The following TTN variants were observed in gnomAD, a reference collection of about 807,000 sequenced individuals.
The protein encoded by TTN is titin, also known as connectin.
TTN carries 1,525 observed loss-of-function variants against 3,223.0 expected under a neutral mutation model. The ratio of observed to expected loss-of-function variants is 0.47; its 90% CI spans 0.45 to 0.49. The LOEUF is 0.49. TTN is among the 20% of genes least tolerant of loss of function. The pLI is 0.00. For missense variants in TTN, 40,786 were observed against 43,424.0 expected, an observed-to-expected ratio of 0.94 and a Z score of 5.40; for synonymous variants, 14,094 against 15,161.0, an observed-to-expected ratio of 0.93 and a Z score of 5.17.
Position 178,771,237 on chromosome 2 carries a change from T to A in TTN, c.8090A>T (p.Lys2697Ile). Reference protein sequence around the residue: ...GEYTYKVATSKTSAKLKVEAV... With the variant: ...GEYTYKVATSITSAKLKVEAV... ...TTCAACTTTGAGTTTGGCAGATGTT[T>A]TGGAGGTGGCCACCTTGTAGGTATA... The change falls in exon 34 of 363, where the codon AAA (lysine) becomes ATA (isoleucine). Residue 2697 changes from lysine (K) to isoleucine (I), a missense_variant. Coordinates refer to ENST00000589042, the MANE Select transcript of TTN (RefSeq NM_001267550.2). 1 of 1,614,118 alleles carries A rather than the reference T, an allele frequency of 6.2e-7. No homozygotes were observed. The highest frequency in any genetic ancestry group is 8.5e-7 in the Non-Finnish European group (1 of 1,179,992).
Position 178,571,232 on chromosome 2 carries a change from T to G in TTN, c.74900A>C (p.Lys24967Thr). 1 of 1,613,562 alleles carries G rather than the reference T, an allele frequency of 6.2e-7. No individual in the cohort carries two copies. The highest frequency in any genetic ancestry group is 8.5e-7 in the Non-Finnish European group (1 of 1,179,630). The change falls in exon 326 of 363, where the codon AAG becomes ACG. Residue 24967 changes from lysine (K) to threonine (T), a missense_variant. Lys to Thr is a moderately conservative substitution (Grantham distance 78). Transcript: ENST00000589042. ...TTCTTCAAGGCCAGTTGTCTTAAAC[T>G]TGGTTTGAGGAATAGGTGTTTTATT... is the stretch of plus-strand genomic sequence containing the variant. ...KLNKTPIPQT[K>T]FKTTGLEEGV... is the part of the protein sequence containing the mutation.
intron 135 of TTN, 104 bp from the exon 136 acceptor site, chr2:178,681,842 A>C: frequency 1.1e-6 from 1 of 949,526 alleles, no homozygotes; most frequent in Non-Finnish European, 1.5e-6. Context: ...TATCTACAGT[A>C]TAGCCATAGC....
chr2:178,583,397 T>C lies in TTN; in HGVS notation c.65576-170A>G, dbSNP rs1309897314. 8 of 845,220 alleles carry C rather than the reference T, an allele frequency of 9.5e-6. No homozygotes were observed. The South Asian group carries it at 2.2e-4, about 23-fold the overall frequency. The allele number at this position is 845,220 out of a possible 1,614,324, so 52.4% of individuals were successfully genotyped here. A position where few individuals can be genotyped will look rare whatever the true frequency, so the allele number is the denominator to read the frequency against. ...TAATAACTGCACTATTGAATAACTA[T>C]TGAAATTATATAGTTGCCACAGTTG... On this transcript the variant is annotated intron_variant, in intron 312 of 362. Transcript: ENST00000589042.
chr2:178,706,301 G>A (rs770966743), intron 102 of TTN, among the ~76,000 whole-genome samples, 153 bp downstream of exon 102: 1 of 152,142 alleles, frequency 6.6e-6, no homozygotes, highest in Non-Finnish European at 1.5e-5. Flanking sequence ...TACAATGTAA[G>A]TGCTGTGTAA....
intron 6 of TTN, 180 bp downstream of exon 6, chr2:178,799,307 A>C: frequency 1.1e-6 from 1 of 908,860 alleles, no homozygotes; most frequent in Non-Finnish European, 1.7e-6. Flanking sequence ...TGTCCAGAGG[A>C]ACACGGAGCC....
chr2:178,606,536 G>A (rs747588734), intron 278 of TTN, among the ~76,000 whole-genome samples: 1 of 151,852 alleles, frequency 6.6e-6, no homozygotes, highest in African/African-American at 2.4e-5. Context: ...CCCTCTGGTT[G>A]GTTTTCTATT....
chr2:178,802,017 A>G (rs2094089830), intron 3 of TTN, 121 bp downstream of exon 3: 3 of 1,217,712 alleles, frequency 2.5e-6, no homozygotes, highest in Non-Finnish European at 2.4e-6. Flanking sequence ...CCTCCAGTAG[A>G]CCCTTCTGTA....
In TTN at chr2:178,609,790, T is replaced by G; in HGVS notation, c.51633A>C (p.Gly17211=). Residue 17211 remains glycine, a synonymous_variant, in exon 272 of 363, where the codon GGA becomes GGC. Coordinates refer to ENST00000589042, the MANE Select transcript of TTN (RefSeq NM_001267550.2). ...LVPILTYTAK[G]LEEGKEYQFR... is the part of the protein sequence containing the mutation. ...ATTGGTACTCTTTCCCCTCTTCAAG[T>G]CCTTTTGCTGTATAGGTCAGGATTG... 1 of 1,612,914 alleles carries G rather than the reference T, an allele frequency of 6.2e-7. No individual in the cohort carries two copies. Among genetic ancestry groups the G allele is most frequent in the Non-Finnish European group, 8.5e-7 (1 of 1,179,220 alleles).
At chr2:178,742,667 C>T (rs895390583) in intron 47 of TTN, among the ~76,000 whole-genome samples, 3 of 152,096 alleles carry the variant, frequency 2.0e-5, no homozygotes, top group African/African-American at 7.2e-5. Flanking sequence ...CAGTGCATAA[C>T]AGAGACTCTT....
intron 96 of TTN, 106 bp downstream of exon 96, chr2:178,711,838 T>G (rs1398163713): frequency 4.7e-5 from 65 of 1,380,954 alleles, no homozygotes; most frequent in Non-Finnish European, 5.8e-5. Context: ...TTAAGCAGAA[T>G]TTTAAGCCTT....
Position 178,588,816 on chromosome 2 carries a change from G to A in TTN, c.62909C>T (p.Pro20970Leu). The change falls in exon 304 of 363, where the codon CCA becomes CTA. Residue 20970 changes from proline (P) to leucine (L), a missense_variant. By Grantham distance (98) the Pro-to-Leu change is moderately conservative. Transcript: ENST00000589042. ...TTCTTTGCTTACTTTAGTGACTTCT[G>A]GGGGATCAGGGCGACCAGGTTTATC... ...KYDKPGRPDPPEVTKVSKEEM... is the reference protein window; with the variant it reads ...KYDKPGRPDPLEVTKVSKEEM... The A allele has an allele frequency of 1.2e-6, 2 of 1,613,280 alleles. No homozygotes were observed. Among genetic ancestry groups the A allele is most frequent in the Non-Finnish European group, 1.7e-6 (2 of 1,179,544 alleles).
At position 178,781,136 on chromosome 2, in the gene TTN, A is replaced by G. The variant is rs1387634284; in HGVS notation, c.3508T>C (p.Ser1170Pro). 1.9e-6 allele frequency: 3 copies of G among 1,613,882 alleles called. No homozygotes were observed. The African/African-American group carries it at 4.0e-5, about 22-fold the overall frequency. The change falls in exon 21 of 363, where the codon TCC becomes CCC. Residue 1170 changes from serine to proline, a missense_variant. Coordinates refer to ENST00000589042, the MANE Select transcript of TTN (RefSeq NM_001267550.2). The part of the protein sequence containing the change: ...NKHGETSASA[S>P]LLEEADYELL... ...TTGCACTTACCTTCTTCAAGCAAGG[A>G]AGCAGATGCAGAAGTTTCTCCATGC...
At position 178,651,487 on chromosome 2, in the gene TTN, C is replaced by T; in HGVS notation, c.39513G>A (p.Val13171=). The change falls in exon 207 of 363, where the codon GTG becomes GTA. Residue 13171 remains valine, a synonymous_variant. Transcript: ENST00000589042. ...EVVPEKKVPL[V]VPKKPEAPPA... Reference sequence around the variant, plus strand: ...GTGGGGCTTCTGGCTTTTTGGGAACCACCAGAGGCACCTTCTTTTCAGGAA... The same window carrying T: ...GTGGGGCTTCTGGCTTTTTGGGAACTACCAGAGGCACCTTCTTTTCAGGAA... 6.2e-7 allele frequency: 1 copy of T among 1,612,628 alleles called. No homozygotes were observed. The highest frequency in any genetic ancestry group is 8.5e-7 in the Non-Finnish European group (1 of 1,179,402).
Position 178,712,538 on chromosome 2 carries a change from G to C in TTN, c.27384C>G (p.Pro9128=), listed in dbSNP as rs2076811226. ...LNDYSIEKGK[P]LILEGTFTGT... ...CAGTGAATGTACCCTCTAGGATCAG[G>C]GGTTTTCCTTTCTCTATGCTGTAAT... Residue 9128 remains proline, a synonymous_variant, in exon 95 of 363, where the codon CCC becomes CCG. Transcript: ENST00000589042. The C allele has an allele frequency of 6.2e-7, 1 of 1,613,338 alleles. No homozygotes were observed. The highest frequency in any genetic ancestry group is 1.3e-5 in the African/African-American group (1 of 74,882).
At chr2:178,667,206 C>A in intron 162 of TTN, 30 bp downstream of exon 162, 1 of 1,539,560 alleles carries the variant, frequency 6.5e-7, no homozygotes, top group Non-Finnish European at 8.8e-7. Flanking sequence ...ATATTTTCTT[C>A]TTTAGATTTT....
At chr2:178,775,326 G>A in intron 28 of TTN, 30 bp downstream of exon 28, 1 of 1,613,148 alleles carries the variant, frequency 6.2e-7, no homozygotes, top group Non-Finnish European at 8.5e-7. Context: ...TACAAAGACA[G>A]GTCCATCAAA....
At position 178,715,688 on chromosome 2, in the gene TTN, A is replaced by G. The variant is rs1176708240; in HGVS notation, c.25726T>C (p.Ser8576Pro). 5 of 1,611,084 alleles carry G rather than the reference A, an allele frequency of 3.1e-6. No individual in the cohort carries two copies. Among genetic ancestry groups the G allele is most frequent in the Middle Eastern group, 1.6e-4 (1 of 6,082 alleles). Residue 8576 changes from serine to proline, a missense_variant, in exon 89 of 363, where the codon TCT (serine) becomes CCT (proline). Physicochemically the swap from Ser to Pro is moderately conservative, Grantham distance 74. Transcript: ENST00000589042. Reference sequence around the variant, plus strand: ...TACCATAAAACTTTGATTTCTGGAGACCCACCGATTTTGCATTCATACCTT... The same window carrying G: ...TACCATAAAACTTTGATTTCTGGAGGCCCACCGATTTTGCATTCATACCTT... ...FTRYECKIGG[S>P]PEIKVLWYKD...
intron 47 of TTN, among the ~76,000 whole-genome samples, 187 bp downstream of exon 47, chr2:178,752,937 C>T (rs779195166): frequency 2.6e-5 from 4 of 151,966 alleles, no homozygotes; most frequent in Non-Finnish European, 5.9e-5. Flanking sequence ...CAATAAATTA[C>T]TGTGAAATGC....
At chr2:178,596,748 G>C (rs929369481) in intron 294 of TTN, among the ~76,000 whole-genome samples, 2 of 151,962 alleles carry the variant, frequency 1.3e-5, no homozygotes, top group African/African-American at 4.8e-5. Flanking sequence ...ACATAGAACT[G>C]GCAATTTTCA....
Sources: gnomAD v4.1 joint callset for allele counts (sites outside exome capture counted in the v4.1 genomes callset) on GRCh38, gnomAD v4.1.1 for gene constraint, MANE v1.5 for transcripts, NCBI Gene and HGNC (gene_info 2026-07-23, HGNC 2026-07-21) for gene names.